The following TRPM8 variants were observed in gnomAD, a reference collection of about 807,000 sequenced individuals.
TRPM8 encodes the protein transient receptor potential cation channel subfamily M member 8.
In TRPM8, 110 loss-of-function variants were observed where a neutral mutation model predicts 133.7. That is an observed-to-expected ratio of 0.82 (90% CI 0.70 to 0.96). TRPM8 has a LOEUF of 0.96. TRPM8 is among the 40% of genes least tolerant of loss of function. The pLI, the probability that TRPM8 is intolerant of heterozygous loss-of-function variation, is 0.00. For missense variants in TRPM8, 1,291 were observed against 1,379.5 expected, an observed-to-expected ratio of 0.94 and a Z score of 1.02; for synonymous variants, 535 against 532.3, an observed-to-expected ratio of 1.01 and a Z score of -0.07.
chr2:233,948,668 A>G (rs771116131), intron 8 of TRPM8, among the ~76,000 whole-genome samples: 41 of 152,338 alleles, frequency 2.7e-4, no homozygotes, highest in Non-Finnish European at 5.0e-4. Flanking sequence ...GGCATTTTCC[A>G]CTGCCGTCTG....
chr2:233,942,071 C>CTGTTTTTTTTT (rs1553656129), intron 5 of TRPM8, among the ~76,000 whole-genome samples: 1 of 111,676 alleles, frequency 9.0e-6, no homozygotes, highest in African/African-American at 3.9e-5. Flanking sequence ...GGTCAAGAAT[C>CTGTTTTTTTTT]TTTTTTTTTT....
chr2:233,988,286 T>C (rs1692196871), intron 21 of TRPM8, among the ~76,000 whole-genome samples: 2 of 151,968 alleles, frequency 1.3e-5, no homozygotes, highest in Admixed American at 1.3e-4. Context: ...AGTTTCTGCT[T>C]GCCCTTTACA....
intron 11 of TRPM8, 37 bp downstream of exon 11, chr2:233,955,287 G>A (rs760800441): frequency 6.6e-7 from 1 of 1,504,622 alleles, no homozygotes; most frequent in South Asian, 1.1e-5. Context: ...TCCAGTGTTG[G>A]GTCTGGACAG....
rs1320921536 is a variant in TRPM8, at chr2:233,981,899, T to TAATGCTGC, written c.2575_2582dup (p.Arg862CysfsTer6). The TAATGCTGC allele has an allele frequency of 1.2e-6, 2 of 1,612,232 alleles. No individual in the cohort carries two copies. The highest frequency in any genetic ancestry group is 1.3e-5 in the African/African-American group (1 of 74,930). ...AGCAGAAACTTAGGACCCAAGATTA[T>TAATGCTGC]AATGCTGCAGAGGATGGTAAGAGTC... On this transcript the variant is annotated frameshift_variant, in exon 19 of 26. Coordinates refer to ENST00000324695, the MANE Select transcript of TRPM8 (RefSeq NM_024080.5). LOFTEE classifies it high-confidence loss of function.
intron 21 of TRPM8, among the ~76,000 whole-genome samples, chr2:233,986,769 T>G (rs1175812139): frequency 6.6e-6 from 1 of 152,176 alleles, no homozygotes; most frequent in Non-Finnish European, 1.5e-5. Flanking sequence ...TAGAAAGAGC[T>G]CCTGTGAATT....
chr2:233,946,730 A>G lies in TRPM8; in HGVS notation c.875-358A>G, dbSNP rs28901643. 3.2e-3 allele frequency among the ~76,000 whole-genome samples: 488 copies of G among 152,376 alleles called. 5 individuals carry two copies. The highest frequency in any genetic ancestry group is 0.011 in the African/African-American group (472 of 41,592). ...ACTGTTGAAAGACCACTAGTTATGC[A>G]AAGTTCTCACTCAAGCAAGCATAGG... On this transcript the variant is annotated intron_variant, in intron 7 of 25. Transcript: ENST00000324695.
chr2:233,970,300 C>G lies in TRPM8; in HGVS notation c.2229C>G (p.Val743=). 6.2e-7 allele frequency: 1 copy of G among 1,614,160 alleles called. No individual in the cohort carries two copies. The highest frequency in any genetic ancestry group is 8.5e-7 in the Non-Finnish European group (1 of 1,180,016). Residue 743 remains valine (V), a synonymous_variant, in exon 17 of 26, where the codon GTC becomes GTG. Coordinates refer to ENST00000324695, the MANE Select transcript of TRPM8 (RefSeq NM_024080.5). The part of the protein sequence containing the change: ...SPFVVFSWNV[V]FYIAFLLLFA... ...TCGTGGTCTTCTCCTGGAATGTGGT[C>G]TTCTACATCGCCTTCCTCCTGCTGT...
chr2:234,006,792 A>C (rs368337657), intron 22 of TRPM8, 61 bp from the exon 23 acceptor site: 1 of 1,293,840 alleles, frequency 7.7e-7, no homozygotes, highest in Middle Eastern at 1.9e-4. Flanking sequence ...AGAAGATCTT[A>C]ATTTAGGAAG....
At chr2:233,982,612 T>A (rs1249335927) in intron 19 of TRPM8, among the ~76,000 whole-genome samples, 1 of 152,104 alleles carries the variant, frequency 6.6e-6, no homozygotes, top group African/African-American at 2.4e-5. Flanking sequence ...TAAAAAAAAA[T>A]TAAACGGTCC....
intron 24 of TRPM8, among the ~76,000 whole-genome samples, chr2:234,014,245 C>A (rs1692906275): frequency 6.6e-6 from 1 of 152,010 alleles, no homozygotes; most frequent in African/African-American, 2.4e-5. Flanking sequence ...GAACATTATT[C>A]TTTTTACATA....
chr2:234,009,587 C>T (rs1010195023), intron 24 of TRPM8, among the ~76,000 whole-genome samples: 3 of 152,164 alleles, frequency 2.0e-5, no homozygotes, highest in Non-Finnish European at 4.4e-5. Context: ...CCTGGATCCC[C>T]ACTGCACAGC....
chr2:233,938,968 A>G lies in TRPM8; in HGVS notation c.349-30A>G, dbSNP rs1412594806. 1.2e-5 allele frequency: 20 copies of G among 1,612,498 alleles called. No homozygotes were observed. The Admixed American group carries it at 3.3e-4, about 27-fold the overall frequency. ...CCCGACCTCAGGAGAACACAGGCCT[A>G]TCCTGATACTTCTGCTTCTCTCCCC... On this transcript the variant is annotated intron_variant, in intron 4 of 25. Coordinates refer to ENST00000324695, the MANE Select transcript of TRPM8 (RefSeq NM_024080.5).
intron 8 of TRPM8, chr2:233,947,639 T>A: frequency 1.6e-6 from 2 of 1,282,098 alleles, no homozygotes; most frequent in Non-Finnish European, 1.0e-6. Context: ...TGGAAACTTC[T>A]TGAATGGTTC....
chr2:233,952,454 C>T (rs888684409), intron 9 of TRPM8, among the ~76,000 whole-genome samples: 4 of 151,614 alleles, frequency 2.6e-5, no homozygotes, highest in Middle Eastern at 3.4e-3. Context: ...AGAGAGTTAA[C>T]GAGGTGGGGG....
intron 1 of TRPM8, among the ~76,000 whole-genome samples, chr2:233,919,368 A>G (rs945991535): frequency 6.6e-6 from 1 of 152,130 alleles, no homozygotes; most frequent in Non-Finnish European, 1.5e-5. Context: ...AAATTTTGGC[A>G]GTGTACTAAT....
At chr2:233,999,112 A>G (rs1243811135) in intron 22 of TRPM8, among the ~76,000 whole-genome samples, 2 of 151,224 alleles carry the variant, frequency 1.3e-5, no homozygotes, top group African/African-American at 4.9e-5. Context: ...TCCTGAAAGC[A>G]TTTATTTGCC....
At chr2:233,991,674 A>G (rs1483875036) in intron 21 of TRPM8, among the ~76,000 whole-genome samples, 2 of 152,136 alleles carry the variant, frequency 1.3e-5, no homozygotes, top group Non-Finnish European at 2.9e-5. Flanking sequence ...TTTTTTGCAG[A>G]CTTTGCATTC....
intron 14 of TRPM8, chr2:233,966,245 G>A (rs370678222): frequency 1.6e-4 from 30 of 191,020 alleles, no homozygotes; most frequent in Non-Finnish European, 3.1e-4. Context: ...TTACGGGGGG[G>A]TCGGGGGGCG....
At position 233,960,483 on chromosome 2, in the gene TRPM8, G is replaced by A. The variant is rs541238267; in HGVS notation, c.1363-293G>A. On this transcript the variant is annotated intron_variant, in intron 11 of 25. Transcript: ENST00000324695. ...TTTGACCAACATTATCTCTACATGG[G>A]TGTATTTATCTCCATTTTAGCAAGG... Among the ~76,000 whole-genome samples the A allele has an allele frequency of 5.9e-5, 9 of 152,186 alleles. No homozygotes were observed. In the East Asian group the frequency reaches 1.5e-3, roughly 26 times the overall value.
Sources: allele counts gnomAD v4.1 joint callset (sites outside exome capture counted in the v4.1 genomes callset), GRCh38; gene constraint gnomAD v4.1.1; transcripts MANE v1.5; gene names NCBI Gene and HGNC (gene_info 2026-07-23, HGNC 2026-07-21).